The following NPTX1 variants were observed in gnomAD, a reference collection of about 807,000 sequenced individuals.
NPTX1 encodes the protein neuronal pentraxin-1.
Under a neutral mutation model 38.7 loss-of-function variants are expected in NPTX1, and 12 were observed. The observed-to-expected ratio is 0.31, with a 90% confidence interval of 0.20 to 0.50. The LOEUF is 0.50. NPTX1 is among the 20% of genes least tolerant of loss of function. The probability of loss-of-function intolerance (pLI) is 0.98; values close to 1 mark genes in which losing one functional copy is unlikely to be tolerated. For synonymous variants in NPTX1, 272 were observed against 264.9 expected, an observed-to-expected ratio of 1.03 and a Z score of -0.26; for missense variants, 454 against 592.2, an observed-to-expected ratio of 0.77 and a Z score of 2.42.
rs139333992 is a variant in NPTX1 at position 80,473,133 on chromosome 17, G to C, written c.897+67C>G. The C allele has an allele frequency of 4.5e-6, 7 of 1,558,286 alleles. No homozygotes were observed. The African/African-American group carries it at 9.5e-5, about 21-fold the overall frequency. ...CTGAGGCCACCATAGCCCTGTCTCC[G>C]CATGCAACATGAGCTGGGGCCCTGG... On this transcript the variant is annotated intron_variant, in intron 3 of 4. Coordinates refer to ENST00000306773, the MANE Select transcript of NPTX1 (RefSeq NM_002522.4).
Position 80,475,975 on chromosome 17 carries a change from G to A in NPTX1, c.444+28C>T. 2 of 1,576,420 alleles carry A rather than the reference G, an allele frequency of 1.3e-6. No individual in the cohort carries two copies. Among genetic ancestry groups the A allele is most frequent in the Non-Finnish European group, 1.7e-6 (2 of 1,152,794 alleles). On this transcript the variant is annotated intron_variant, in intron 1 of 4. Transcript: ENST00000306773. This position sits in a 1 kb window ranked among gnomAD's most constrained non-coding sequence, Gnocchi z 6.5. ...GCAGAGGGGCGAGCGAGCCGGAGGG[G>A]GAACCGGAGCCGAGGGCGCGCGCGG...
In NPTX1 at chr17:80,469,939, G is replaced by A. The variant is rs2083829607; in HGVS notation, c.*874C>T. The A allele has an allele frequency of 6.6e-6, 1 of 152,380 alleles. No homozygotes were observed. The highest frequency in any genetic ancestry group is 6.5e-5 in the Admixed American group (1 of 15,288). The allele number at this position is 152,380 out of a possible 1,614,324, so 9.4% of individuals were successfully genotyped here. A position where few individuals can be genotyped will look rare whatever the true frequency, so the allele number is the denominator to read the frequency against. The stretch of plus-strand genomic sequence containing the variant: ...TGCAGCACAGCTCCAGAGGTGAGAA[G>A]GGAGGGGCAGACCCCAGCCTTGCAG... On this transcript the variant is annotated 3_prime_UTR_variant, in exon 5 of 5. Coordinates refer to ENST00000306773, the MANE Select transcript of NPTX1 (RefSeq NM_002522.4).
intron 4 of NPTX1, 128 bp from the exon 5 acceptor site, chr17:80,471,162 C>T (rs1047523542): frequency 2.5e-5 from 17 of 683,278 alleles, no homozygotes; most frequent in Middle Eastern, 4.0e-4. Flanking sequence ...TCCTAGGTGC[C>T]GTTTCGTCTC....
At position 80,471,817 on chromosome 17, in the gene NPTX1, T is replaced by C; in HGVS notation, c.992A>G (p.Asp331Gly). Residue 331 changes from aspartate to glycine, a missense_variant, in exon 4 of 5, where the codon GAT becomes GGT. Physicochemically the swap from Asp to Gly is moderately conservative, Grantham distance 94. This residue lies in a region of NPTX1 where 110 missense variants were observed against 197.5 expected (regional missense o/e 0.56). Coordinates refer to ENST00000306773, the MANE Select transcript of NPTX1 (RefSeq NM_002522.4). ...CTCGCCACTGCCACCCTGCGTGCCA[T>C]CCTGGTAGGCCTCCCAGACCCCGTC... Reference protein sequence around the residue: ...TRDGVWEAYQDGTQGGSGENL... With the variant: ...TRDGVWEAYQGGTQGGSGENL... 1 of 1,613,612 alleles carries C rather than the reference T, an allele frequency of 6.2e-7. No homozygotes were observed. The highest frequency in any genetic ancestry group is 8.5e-7 in the Non-Finnish European group (1 of 1,180,028).
At chr17:80,472,109 G>A (rs1169838393) in intron 3 of NPTX1, among the ~76,000 whole-genome samples, 198 bp from the exon 4 acceptor site, 1 of 152,248 alleles carries the variant, frequency 6.6e-6, no homozygotes. Flanking sequence ...GAATCACACA[G>A]GAAATGTAAG....
rs781370393 is a variant in NPTX1 at position 80,471,789 on chromosome 17, G to A, written c.1020C>T (p.Asn340=). The part of the protein sequence containing the change: ...QDGTQGGSGE[N]LAPYHPIKPQ... Reference sequence around the variant, plus strand: ...GCTTGATGGGGTGATAGGGCGCCAAGTTCTCGCCACTGCCACCCTGCGTGC... The same window carrying A: ...GCTTGATGGGGTGATAGGGCGCCAAATTCTCGCCACTGCCACCCTGCGTGC... The change falls in exon 4 of 5, where the codon AAC becomes AAT. Residue 340 remains asparagine, a synonymous_variant. Transcript: ENST00000306773. The A allele has an allele frequency of 1.2e-6, 2 of 1,613,392 alleles. No individual in the cohort carries two copies. The highest frequency in any genetic ancestry group is 1.7e-6 in the Non-Finnish European group (2 of 1,180,020).
At position 80,476,419 on chromosome 17, in the gene NPTX1, A is replaced by G; in HGVS notation, c.28T>C (p.Cys10Arg). The change falls in exon 1 of 5, where the codon TGT (cysteine) becomes CGT (arginine). Residue 10 changes from cysteine (C) to arginine (R), a missense_variant. Cys to Arg is a radical substitution (Grantham distance 180, BLOSUM62 -3). Around this residue, in one of 4 missense-constraint regions of NPTX1, gnomAD observed 288 missense variants for 318.4 expected, o/e 0.90. Transcript: ENST00000306773. This position sits in a 1 kb window ranked among gnomAD's most constrained non-coding sequence, Gnocchi z 6.3. Reference protein sequence around the residue: MPAGRAARTCALLALCLLGA... With the variant: MPAGRAARTRALLALCLLGA... ...AGGAGGCAGAGGGCGAGCAGCGCAC[A>G]GGTGCGCGCGGCGCGGCCGGCCGGC... The G allele has an allele frequency of 7.3e-7, 1 of 1,373,718 alleles. No individual in the cohort carries two copies. Among genetic ancestry groups the G allele is most frequent in the Non-Finnish European group, 9.3e-7 (1 of 1,071,246 alleles). The allele number at this position is 1,373,718 out of a possible 1,614,324, so 85.1% of individuals were successfully genotyped here.
rs2083812200 is a variant in NPTX1, at chr17:80,467,386, C to T, written c.*3427G>A. The T allele has an allele frequency of 1.3e-5, 2 of 152,576 alleles. No homozygotes were observed. Among genetic ancestry groups the T allele is most frequent in the Non-Finnish European group, 2.9e-5 (2 of 68,040 alleles). 9.5% of individuals were successfully genotyped at this position (152,576 alleles called of 1,614,324 possible). ...TCCTCTTAATGTGAACCACATGTAACCCAAGGTTCTTCTATCAAGGTTAGA... is the reference window on the plus strand; with the variant it reads ...TCCTCTTAATGTGAACCACATGTAATCCAAGGTTCTTCTATCAAGGTTAGA... On this transcript the variant is annotated 3_prime_UTR_variant, in exon 5 of 5. Transcript: ENST00000306773.
chr17:80,473,025 G>T (rs2083851027), intron 3 of NPTX1, among the ~76,000 whole-genome samples, 175 bp downstream of exon 3: 2 of 152,208 alleles, frequency 1.3e-5, no homozygotes, highest in Non-Finnish European at 2.9e-5. Context: ...AGGTGAGGGG[G>T]CTCCTACCAC....
rs11652966 is a variant in NPTX1, at chr17:80,467,067, G to T, written c.*3746C>A. 1 of 147,888 alleles carries T rather than the reference G, an allele frequency of 6.8e-6. No homozygotes were observed. The highest frequency in any genetic ancestry group is 2.5e-5 in the African/African-American group (1 of 39,870). The allele number at this position is 147,888 out of a possible 1,614,324, so 9.2% of individuals were successfully genotyped here. On this transcript the variant is annotated 3_prime_UTR_variant, in exon 5 of 5. Transcript: ENST00000306773. ...AAATAATGAAAAAGTGAGATACATCGATTCTCTTTCATATTATACAGTATA... is the reference window on the plus strand; with the variant it reads ...AAATAATGAAAAAGTGAGATACATCTATTCTCTTTCATATTATACAGTATA...
At chr17:80,472,615 T>C (rs2083848613) in intron 3 of NPTX1, among the ~76,000 whole-genome samples, 1 of 152,172 alleles carries the variant, frequency 6.6e-6, no homozygotes, top group Non-Finnish European at 1.5e-5. Context: ...GCCCAGGTTT[T>C]AGCCATTGAC....
rs1236888913 is a variant in NPTX1 at position 80,470,708 on chromosome 17, C to A, written c.*105G>T. 24 of 822,614 alleles carry A rather than the reference C, an allele frequency of 2.9e-5. No homozygotes were observed. Among genetic ancestry groups the A allele is most frequent in the Non-Finnish European group, 4.2e-5 (22 of 523,226 alleles). The allele number at this position is 822,614 out of a possible 1,614,324, so 51.0% of individuals were successfully genotyped here. ...GCGTGTGCGTGTGCAGGGGCGACGG[C>A]CTCGGTTCATTCCTGGGGAAAAGGG... On this transcript the variant is annotated 3_prime_UTR_variant, in exon 5 of 5. Coordinates refer to ENST00000306773, the MANE Select transcript of NPTX1 (RefSeq NM_002522.4).
Position 80,467,076 on chromosome 17 carries a change from T to C in NPTX1, c.*3737A>G, listed in dbSNP as rs1329481926. 4.6e-5 allele frequency: 7 copies of C among 151,082 alleles called. No homozygotes were observed. The East Asian group carries it at 9.7e-4, about 21-fold the overall frequency. 9.4% of individuals were successfully genotyped at this position (151,082 alleles called of 1,614,324 possible). A position where few individuals can be genotyped will look rare whatever the true frequency, so the allele number is the denominator to read the frequency against. ...AAAAGTGAGATACATCGATTCTCTT[T>C]CATATTATACAGTATATACATTATA... On this transcript the variant is annotated 3_prime_UTR_variant, in exon 5 of 5. Coordinates refer to ENST00000306773, the MANE Select transcript of NPTX1 (RefSeq NM_002522.4).
chr17:80,466,868 T>C lies in NPTX1; in HGVS notation c.*3945A>G, dbSNP rs1464708818. Among the ~76,000 whole-genome samples, 2 of 132,024 alleles carry C rather than the reference T, an allele frequency of 1.5e-5. No homozygotes were observed. Among genetic ancestry groups the C allele is most frequent in the Non-Finnish European group, 3.2e-5 (2 of 61,930 alleles). 86.6% of individuals were successfully genotyped at this position (132,024 alleles called of 152,430 possible). A position where few individuals can be genotyped will look rare whatever the true frequency, so the allele number is the denominator to read the frequency against. ...CACTCTTTACTGTGTAAAAATAAAC[T>C]CAACAATTCATGTCATTTCAGCAAG... is the stretch of plus-strand genomic sequence containing the variant. On this transcript the variant is annotated 3_prime_UTR_variant, in exon 5 of 5. Transcript: ENST00000306773.
intron 2 of NPTX1, chr17:80,473,975 C>A (rs2083858463): frequency 5.9e-6 from 1 of 168,332 alleles, no homozygotes; most frequent in Non-Finnish European, 1.3e-5. Context: ...TCCCTCCAGG[C>A]CAGATGTGCC....
In NPTX1 at chr17:80,473,055, C is replaced by G. The variant is rs894098990; in HGVS notation, c.897+145G>C. The stretch of plus-strand genomic sequence containing the variant: ...TACCACTTCTCCTGGTCTTCACCCT[C>G]CCCCTCCCTCAGTCCCACCTGGCAA... On this transcript the variant is annotated intron_variant, in intron 3 of 4. Transcript: ENST00000306773. 2.9e-5 allele frequency: 24 copies of G among 840,412 alleles called. No homozygotes were observed. The South Asian group carries it at 3.6e-4, about 13-fold the overall frequency. 52.1% of individuals were successfully genotyped at this position (840,412 alleles called of 1,614,324 possible).
In NPTX1 at chr17:80,468,102, G is replaced by A. The variant is rs2083816190; in HGVS notation, c.*2711C>T. 6.5e-6 allele frequency: 1 copy of A among 152,692 alleles called. No individual in the cohort carries two copies. Among genetic ancestry groups the A allele is most frequent in the Non-Finnish European group, 1.5e-5 (1 of 68,072 alleles). The allele number at this position is 152,692 out of a possible 1,614,324, so 9.5% of individuals were successfully genotyped here. A position where few individuals can be genotyped will look rare whatever the true frequency, so the allele number is the denominator to read the frequency against. On this transcript the variant is annotated 3_prime_UTR_variant, in exon 5 of 5. Transcript: ENST00000306773. ...CAAGAGGGAACATCAATCAGATTAAGGAGTAAATGGGAACTACGTGGATTA... is the reference window on the plus strand; with the variant it reads ...CAAGAGGGAACATCAATCAGATTAAAGAGTAAATGGGAACTACGTGGATTA...
Position 80,476,442 on chromosome 17 carries a change from G to T in NPTX1, c.5C>A (p.Pro2Gln), listed in dbSNP as rs2143054387. The change falls in exon 1 of 5, where the codon CCG becomes CAG. Residue 2 changes from proline (P) to glutamine (Q), a missense_variant. By Grantham distance (76) the Pro-to-Gln change is moderately conservative. Around this residue, in one of 4 missense-constraint regions of NPTX1, gnomAD observed 288 missense variants for 318.4 expected, o/e 0.90. Coordinates refer to ENST00000306773, the MANE Select transcript of NPTX1 (RefSeq NM_002522.4). This position sits in a 1 kb window ranked among gnomAD's most constrained non-coding sequence, Gnocchi z 6.3. Reference sequence around the variant, plus strand: ...ACAGGTGCGCGCGGCGCGGCCGGCCGGCATGGCTGCGGGCACCGGGCGCTC... The same window carrying T: ...ACAGGTGCGCGCGGCGCGGCCGGCCTGCATGGCTGCGGGCACCGGGCGCTC... MPAGRAARTCAL... is the reference protein window; with the variant it reads MQAGRAARTCAL... 7.6e-7 allele frequency: 1 copy of T among 1,310,732 alleles called. No homozygotes were observed. The highest frequency in any genetic ancestry group is 3.2e-5 in the East Asian group (1 of 30,950). 81.2% of individuals were successfully genotyped at this position (1,310,732 alleles called of 1,614,324 possible). A position where few individuals can be genotyped will look rare whatever the true frequency, so the allele number is the denominator to read the frequency against.
Position 80,476,568 on chromosome 17 carries a change from C to T in NPTX1, c.-122G>A. On this transcript the variant is annotated 5_prime_UTR_variant, in exon 1 of 5. Transcript: ENST00000306773. The surrounding 1 kb of genome is among the most constrained non-coding windows in gnomAD (Gnocchi z 6.3). ...CGCTCTGGGCGCCGCGCTCTTCGGC[C>T]GCGCGGTCCACACCGCCGCGCTATC... The T allele has an allele frequency of 5.1e-6, 2 of 389,460 alleles. No individual in the cohort carries two copies. The highest frequency in any genetic ancestry group is 7.1e-6 in the Non-Finnish European group (2 of 283,490). The allele number at this position is 389,460 out of a possible 1,614,324, so 24.1% of individuals were successfully genotyped here.
Sources: allele counts gnomAD v4.1 joint callset (sites outside exome capture counted in the v4.1 genomes callset), GRCh38; gene constraint gnomAD v4.1.1; regional missense constraint gnomAD v4.1.1; non-coding constraint Gnocchi (gnomAD v3.1); transcripts MANE v1.5; gene names NCBI Gene and HGNC (gene_info 2026-07-23, HGNC 2026-07-21).